The following GNAQ variants were observed in gnomAD, a reference collection of about 807,000 sequenced individuals.
GNAQ encodes the protein G protein subunit alpha q.
GNAQ carries 8 observed loss-of-function variants against 43.9 expected under a neutral mutation model. The ratio of observed to expected loss-of-function variants is 0.18; its 90% CI spans 0.11 to 0.33. GNAQ has a LOEUF of 0.33. Among genes scored for constraint, GNAQ ranks in the 10% least tolerant of loss-of-function variants. The probability of loss-of-function intolerance (pLI) is 1.00; values close to 1 mark genes in which losing one functional copy is unlikely to be tolerated. For synonymous variants in GNAQ, 155 were observed against 170.7 expected (o/e 0.91, Z 0.71); for missense variants, 158 against 450.8 (o/e 0.35, Z 5.88).
intron 5 of GNAQ, among the ~76,000 whole-genome samples, chr9:77,738,095 A>G (rs929605450): frequency 2.0e-5 from 3 of 152,246 alleles, no homozygotes; most frequent in African/African-American, 7.2e-5. Context: ...ATTGTGAAGA[A>G]CAGTAAACAG....
intron 2 of GNAQ, among the ~76,000 whole-genome samples, chr9:77,906,693 G>A (rs1828715520): frequency 6.6e-6 from 1 of 152,166 alleles, no homozygotes; most frequent in Non-Finnish European, 1.5e-5. Flanking sequence ...GTAACCTGCT[G>A]CAAAGCTATT....
At chr9:77,754,186 G>C (rs1176360427) in intron 5 of GNAQ, among the ~76,000 whole-genome samples, 4 of 152,172 alleles carry the variant, frequency 2.6e-5, no homozygotes. Context: ...TCTCTCCCAA[G>C]ACAGGTTTGG....
At chr9:77,734,095 A>G (rs1825536565) in intron 5 of GNAQ, among the ~76,000 whole-genome samples, 1 of 152,200 alleles carries the variant, frequency 6.6e-6, no homozygotes, top group South Asian at 2.1e-4. Context: ...CTGTCATCGA[A>G]GTCAACATTT....
chr9:77,939,409 T>G lies in GNAQ; in HGVS notation c.137-17064A>C, dbSNP rs145256354. 1.9e-4 allele frequency among the ~76,000 whole-genome samples: 29 copies of G among 152,358 alleles called. 1 individual carries two copies. Among genetic ancestry groups the G allele is most frequent in the Admixed American group, 1.6e-3 (25 of 15,300 alleles). On this transcript the variant is annotated intron_variant, in intron 1 of 6. Coordinates refer to ENST00000286548, the MANE Select transcript of GNAQ (RefSeq NM_002072.5). ...TACTCAAACCTCACTAGGAATATTT[T>G]AGTCACCTTATTGAAAACTCATTTA...
At chr9:77,900,733 T>G (rs1828594320) in intron 2 of GNAQ, among the ~76,000 whole-genome samples, 1 of 152,062 alleles carries the variant, frequency 6.6e-6, no homozygotes, top group Non-Finnish European at 1.5e-5. Context: ...CCCACAATCC[T>G]TACTCCCATT....
At chr9:77,737,525 T>A (rs1202331588) in intron 5 of GNAQ, among the ~76,000 whole-genome samples, 1 of 150,594 alleles carries the variant, frequency 6.6e-6, no homozygotes, top group Non-Finnish European at 1.5e-5. Flanking sequence ...AAGACATTCC[T>A]TTTTTTTGCA....
chr9:77,737,089 G>C (rs1427231983), intron 5 of GNAQ, among the ~76,000 whole-genome samples: 1 of 152,124 alleles, frequency 6.6e-6, no homozygotes, highest in Non-Finnish European at 1.5e-5. Context: ...CTGAGAGTCA[G>C]GTATTTAACG....
chr9:77,890,718 T>C lies in GNAQ; in HGVS notation c.321+31443A>G, dbSNP rs543065117. Among the ~76,000 whole-genome samples, 247 of 152,328 alleles carry C rather than the reference T, an allele frequency of 1.6e-3. 2 individuals carry two copies. The highest frequency in any genetic ancestry group is 5.1e-3 in the African/African-American group (210 of 41,584). ...AGGCTGGGCAACAAGAGTGAAACTCTGTCTAAAAAAACAACAGCATAGCTC... is the reference window on the plus strand; with the variant it reads ...AGGCTGGGCAACAAGAGTGAAACTCCGTCTAAAAAAACAACAGCATAGCTC... On this transcript the variant is annotated intron_variant, in intron 2 of 6. Transcript: ENST00000286548.
intron 2 of GNAQ, among the ~76,000 whole-genome samples, chr9:77,916,623 C>T (rs1389911103): frequency 6.6e-6 from 1 of 152,154 alleles, no homozygotes; most frequent in Non-Finnish European, 1.5e-5. Context: ...CCTCTCATAA[C>T]CCCTCCATGC....
chr9:77,963,816 G>A (rs1391765029), intron 1 of GNAQ, among the ~76,000 whole-genome samples: 1 of 152,108 alleles, frequency 6.6e-6, no homozygotes, highest in Non-Finnish European at 1.5e-5. Context: ...ACAATTCTGT[G>A]AGAATTTTTA....
At chr9:77,997,799 T>G (rs1482518692) in intron 1 of GNAQ, among the ~76,000 whole-genome samples, 3 of 152,180 alleles carry the variant, frequency 2.0e-5, no homozygotes, top group Non-Finnish European at 4.4e-5. Flanking sequence ...GGGCAGTCCC[T>G]AGGCACCACT....
At chr9:77,761,322 T>C (rs1436544859) in intron 5 of GNAQ, among the ~76,000 whole-genome samples, 1 of 55,282 alleles carries the variant, frequency 1.8e-5, no homozygotes, top group Non-Finnish European at 3.9e-5. Flanking sequence ...GGGAGGGAGG[T>C]GGGGGGTCAG....
At chr9:77,808,376 C>T (rs1418857535) in intron 3 of GNAQ, among the ~76,000 whole-genome samples, 1 of 149,314 alleles carries the variant, frequency 6.7e-6, no homozygotes, top group Non-Finnish European at 1.5e-5. Context: ...TGTTGTTTTA[C>T]CAAAGATTGG....
Position 77,721,303 on chromosome 9 carries a change from C to A in GNAQ, c.*20G>T. 6.5e-6 allele frequency: 10 copies of A among 1,539,912 alleles called. No individual in the cohort carries two copies. Among genetic ancestry groups the A allele is most frequent in the Non-Finnish European group, 8.9e-6 (10 of 1,126,524 alleles). Reference sequence around the variant, plus strand: ...AATAGCCCACCAGGGAAGGGCAGGGCGGGTGTCTAGGAGGCACAATTAGAC... The same window carrying A: ...AATAGCCCACCAGGGAAGGGCAGGGAGGGTGTCTAGGAGGCACAATTAGAC... On this transcript the variant is annotated 3_prime_UTR_variant, in exon 7 of 7. Transcript: ENST00000286548.
At chr9:77,749,025 G>T (rs1351057697) in intron 5 of GNAQ, among the ~76,000 whole-genome samples, 1 of 152,180 alleles carries the variant, frequency 6.6e-6, no homozygotes, top group African/African-American at 2.4e-5. Flanking sequence ...ATTTCCAGTG[G>T]TTGACTGCAT....
chr9:77,842,764 C>T (rs538340816), intron 2 of GNAQ, among the ~76,000 whole-genome samples: 3 of 152,206 alleles, frequency 2.0e-5, no homozygotes, highest in Admixed American at 1.3e-4. Context: ...GAGATGGCTT[C>T]GGAACCTTGG....
intron 1 of GNAQ, among the ~76,000 whole-genome samples, chr9:78,000,126 AAATCT>A (rs948721938): frequency 2.0e-5 from 3 of 152,236 alleles, no homozygotes; most frequent in Admixed American, 6.5e-5. Context: ...TAAATGTCCA[AAATCT>A]AATCTATCAT....
intron 2 of GNAQ, among the ~76,000 whole-genome samples, chr9:77,864,949 T>G (rs180811419): frequency 4.4e-4 from 67 of 152,318 alleles, no homozygotes; most frequent in Admixed American, 1.4e-3. Flanking sequence ...GAGTGTGCCC[T>G]TGTTGGAATT....
chr9:77,855,468 T>G (rs1222466451), intron 2 of GNAQ, among the ~76,000 whole-genome samples: 1 of 152,190 alleles, frequency 6.6e-6, no homozygotes, highest in East Asian at 1.9e-4. Context: ...GTTTATACTT[T>G]GATTTTGCAT....
Sources: allele counts gnomAD v4.1 joint callset (sites outside exome capture counted in the v4.1 genomes callset), GRCh38; gene constraint gnomAD v4.1.1; transcripts MANE v1.5; gene names NCBI Gene and HGNC (gene_info 2026-07-23, HGNC 2026-07-21).